NID1: variants seen among roughly 807,000 people sequenced by gnomAD.
The protein encoded by NID1 is nidogen-1.
Under a neutral mutation model 130.6 loss-of-function variants are expected in NID1, and 76 were observed. The ratio of observed to expected loss-of-function variants is 0.58; its 90% CI spans 0.48 to 0.70. The LOEUF (loss-of-function observed/expected upper bound fraction) is 0.70. NID1 is among the 30% of genes least tolerant of loss of function. NID1 has a pLI of 0.00. For synonymous variants in NID1, 665 were observed against 675.1 expected (o/e 0.98, Z 0.23); for missense variants, 1,517 against 1,664.8 (o/e 0.91, Z 1.54).
Position 235,979,987 on chromosome 1 carries a change from A to C in NID1, c.3386-42T>G. 1 of 1,603,552 alleles carries C rather than the reference A, an allele frequency of 6.2e-7. No individual in the cohort carries two copies. Among genetic ancestry groups the C allele is most frequent in the East Asian group, 2.3e-5 (1 of 43,680 alleles). Reference sequence around the variant, plus strand: ...CAATTCATTCATTGTTCACACAAGAAATGGCCCCTTTGTGCAAAAAAAACA... The same window carrying C: ...CAATTCATTCATTGTTCACACAAGACATGGCCCCTTTGTGCAAAAAAAACA... On this transcript the variant is annotated intron_variant, in intron 17 of 19. Coordinates refer to ENST00000264187, the MANE Select transcript of NID1 (RefSeq NM_002508.3). This position sits in a 1 kb window ranked among gnomAD's most constrained non-coding sequence, Gnocchi z 4.6.
intron 17 of NID1, 138 bp from the exon 18 acceptor site, chr1:235,980,083 G>T: frequency 1.9e-6 from 2 of 1,051,980 alleles, no homozygotes; most frequent in Non-Finnish European, 2.8e-6. Flanking sequence ...CATGAGGCTT[G>T]CTCTTAAAAA....
intron 7 of NID1, 55 bp from the exon 8 acceptor site, chr1:236,026,196 T>A: frequency 6.3e-7 from 1 of 1,597,520 alleles, no homozygotes; most frequent in Admixed American, 1.7e-5. Context: ...GGAAGATGGT[T>A]AAGGATGCAA....
In NID1 at chr1:236,041,964, G is replaced by GA. The variant is rs1483680152; in HGVS notation, c.1080dup (p.His361SerfsTer12). ...TCTATGACCTGAGGGTGCTGCTGGT[G>GA]AAAAGTCTCCACTGCCAACTGGAAA... On this transcript the variant is annotated frameshift_variant, in exon 4 of 20. Coordinates refer to ENST00000264187, the MANE Select transcript of NID1 (RefSeq NM_002508.3). LOFTEE classifies it high-confidence loss of function. 1 of 1,613,970 alleles carries GA rather than the reference G, an allele frequency of 6.2e-7. No individual in the cohort carries two copies. The highest frequency in any genetic ancestry group is 8.5e-7 in the Non-Finnish European group (1 of 1,180,004).
In NID1 at chr1:235,975,953, T is replaced by G. The variant is rs2103357716; in HGVS notation, c.*1914A>C. 6.5e-6 allele frequency: 1 copy of G among 152,738 alleles called. No individual in the cohort carries two copies. Among genetic ancestry groups the G allele is most frequent in the African/African-American group, 2.4e-5 (1 of 41,558 alleles). The allele number at this position is 152,738 out of a possible 1,614,324, so 9.5% of individuals were successfully genotyped here. On this transcript the variant is annotated 3_prime_UTR_variant, in exon 20 of 20. Coordinates refer to ENST00000264187, the MANE Select transcript of NID1 (RefSeq NM_002508.3). ...AAGCACCTTCAGTGGTTTCCACAGT[T>G]TAAGAATTTACCATTAAAAAATTTT...
At position 236,024,167 on chromosome 1, in the gene NID1, A is replaced by G; in HGVS notation, c.2031T>C (p.His677=). 6.2e-7 allele frequency: 1 copy of G among 1,614,276 alleles called. No individual in the cohort carries two copies. Among genetic ancestry groups the G allele is most frequent in the Non-Finnish European group, 8.5e-7 (1 of 1,180,048 alleles). ...ALQNPCYIGT[H]GCDTNAACRP... ...GACAGGCCGCGTTGGTGTCACACCCATGAGTGCCGATGTAGCAGGGATTCT... is the reference window on the plus strand; with the variant it reads ...GACAGGCCGCGTTGGTGTCACACCCGTGAGTGCCGATGTAGCAGGGATTCT... Residue 677 remains histidine (H), a synonymous_variant, in exon 9 of 20, where the codon CAT becomes CAC. Coordinates refer to ENST00000264187, the MANE Select transcript of NID1 (RefSeq NM_002508.3).
intron 1 of NID1, among the ~76,000 whole-genome samples, chr1:236,058,172 T>C (rs995695338): frequency 2.0e-5 from 3 of 152,190 alleles, no homozygotes; most frequent in African/African-American, 7.2e-5. Flanking sequence ...GAGTAAAAAC[T>C]TGTTTACTGA....
intron 13 of NID1, 21 bp from the exon 14 acceptor site, chr1:235,991,079 G>T: frequency 6.4e-7 from 1 of 1,555,272 alleles, no homozygotes; most frequent in Non-Finnish European, 8.7e-7. Flanking sequence ...GAGGGGGTCA[G>T]TGAGGGAGGC....
chr1:236,045,713 C>G, intron 2 of NID1, 30 bp from the exon 3 acceptor site: 1 of 1,532,224 alleles, frequency 6.5e-7, no homozygotes, highest in Middle Eastern at 1.7e-4. Flanking sequence ...TTCAGTTACT[C>G]GGAAAAATAT....
At chr1:236,052,691 T>A (rs1316738078) in intron 1 of NID1, among the ~76,000 whole-genome samples, 3 of 152,224 alleles carry the variant, frequency 2.0e-5, no homozygotes, top group Non-Finnish European at 4.4e-5. Flanking sequence ...CTCTGAGTAC[T>A]CTGGTTTCCT....
intron 17 of NID1, 50 bp downstream of exon 17, chr1:235,980,445 CT>C (rs780113810): frequency 5.0e-6 from 8 of 1,595,664 alleles, no homozygotes; most frequent in Non-Finnish European, 6.8e-6. Flanking sequence ...TTGCCCACCC[CT>C]GACTTAGGAG....
chr1:236,019,186 G>A (rs1658685353), intron 9 of NID1, among the ~76,000 whole-genome samples: 1 of 152,266 alleles, frequency 6.6e-6, no homozygotes, highest in South Asian at 2.1e-4. Context: ...AGCTGGGGAG[G>A]CTGTGGGGGA....
intron 12 of NID1, among the ~76,000 whole-genome samples, chr1:235,994,193 G>A (rs891364449): frequency 6.6e-6 from 1 of 152,136 alleles, no homozygotes. Context: ...ATGGCGTTTC[G>A]CTCCTGTTGC....
Position 236,024,290 on chromosome 1 carries a change from C to T in NID1, c.1985-77G>A, listed in dbSNP as rs918307998. On this transcript the variant is annotated intron_variant, in intron 8 of 19. Transcript: ENST00000264187. ...GTTTCCTCCTTCCACAGAAAGTCAA[C>T]CACAACTGGTGAGCAAGAAGGTGAT... is the stretch of plus-strand genomic sequence containing the variant. The T allele has an allele frequency of 8.5e-6, 13 of 1,537,998 alleles. No homozygotes were observed. In the African/African-American group the frequency reaches 1.6e-4, roughly 19 times the overall value.
At position 235,976,360 on chromosome 1, in the gene NID1, G is replaced by C. The variant is rs919890956; in HGVS notation, c.*1507C>G. 9.9e-5 allele frequency: 15 copies of C among 152,164 alleles called. No homozygotes were observed. The highest frequency in any genetic ancestry group is 3.6e-4 in the African/African-American group (15 of 41,422). 9.4% of individuals were successfully genotyped at this position (152,164 alleles called of 1,614,324 possible). ...TCTTCCATGTTCTCAAGTATAAGTGGTCTTTGGCAAAATGTACCATTTTCT... is the reference window on the plus strand; with the variant it reads ...TCTTCCATGTTCTCAAGTATAAGTGCTCTTTGGCAAAATGTACCATTTTCT... On this transcript the variant is annotated 3_prime_UTR_variant, in exon 20 of 20. Transcript: ENST00000264187.
chr1:235,991,431 C>G (rs948022570), intron 13 of NID1, among the ~76,000 whole-genome samples: 2 of 152,100 alleles, frequency 1.3e-5, no homozygotes, highest in Non-Finnish European at 2.9e-5. Context: ...CTGCCTGGTT[C>G]AAGAGATTCT....
intron 12 of NID1, among the ~76,000 whole-genome samples, chr1:236,002,021 G>A (rs1310564661): frequency 6.6e-6 from 1 of 152,246 alleles, no homozygotes; most frequent in African/African-American, 2.4e-5. Flanking sequence ...AGTGAAAGCT[G>A]CCATCAGCCA....
chr1:236,052,074 CT>C (rs1659774838), intron 1 of NID1, among the ~76,000 whole-genome samples: 1 of 152,154 alleles, frequency 6.6e-6, no homozygotes. Flanking sequence ...AGAAGGATGA[CT>C]TCAAAGATAA....
rs114301658 is a variant in NID1, at chr1:235,986,517, A to G, written c.2929-1012T>C. ...AATGAATACTATAAAACATTGCAGC[A>G]TGAAACTATAAAAGACCCAAATAAA... On this transcript the variant is annotated intron_variant, in intron 14 of 19. Transcript: ENST00000264187. Among the ~76,000 whole-genome samples, 502 of 152,330 alleles carry G rather than the reference A, an allele frequency of 3.3e-3. 5 individuals are homozygous for G. The highest frequency in any genetic ancestry group is 7.0e-3 in the Admixed American group (107 of 15,308).
chr1:236,042,385 G>C lies in NID1; in HGVS notation c.753-93C>G. 4.7e-6 allele frequency: 7 copies of C among 1,475,730 alleles called. No individual in the cohort carries two copies. In the Admixed American group the frequency reaches 5.9e-5, roughly 12 times the overall value. The allele number at this position is 1,475,730 out of a possible 1,614,324, so 91.4% of individuals were successfully genotyped here. On this transcript the variant is annotated intron_variant, in intron 3 of 19. Coordinates refer to ENST00000264187, the MANE Select transcript of NID1 (RefSeq NM_002508.3). ...GAGGGAGCCCTGAGGATCTGTGTTG[G>C]TCTGCAAGCCATCACCTGCAGCTAG...
Sources: allele counts gnomAD v4.1 joint callset (sites outside exome capture counted in the v4.1 genomes callset), GRCh38; gene constraint gnomAD v4.1.1; non-coding constraint Gnocchi (gnomAD v3.1); transcripts MANE v1.5; gene names NCBI Gene and HGNC (gene_info 2026-07-23, HGNC 2026-07-21).